VEZF1: variants seen among roughly 807,000 people sequenced by gnomAD.
VEZF1 encodes vascular endothelial zinc finger 1.
In VEZF1, 5 loss-of-function variants were observed where a neutral mutation model predicts 44.1. That is an observed-to-expected ratio of 0.11 (90% CI 0.06 to 0.24). The LOEUF is 0.24. VEZF1 is among the 10% of genes least tolerant of loss of function. VEZF1 has a pLI of 1.00. For synonymous variants in VEZF1, 236 were observed against 233.1 expected, an observed-to-expected ratio of 1.01 and a Z score of -0.11; for missense variants, 358 against 641.8, an observed-to-expected ratio of 0.56 and a Z score of 4.78.
rs748649594 is a variant in VEZF1, at chr17:57,974,821, A to G, written c.1218T>C (p.Ser406=). Reference sequence around the variant, plus strand: ...GGTTTGACATAGTCCCAGACGACACAGAGGATGTTATACTGAATGGAGTAG... The same window carrying G: ...GGTTTGACATAGTCCCAGACGACACGGAGGATGTTATACTGAATGGAGTAG... ...TLTTPFSITS[S]VSSGTMSNPV... The change falls in exon 6 of 6, where the codon TCT becomes TCC. Residue 406 remains serine (S), a synonymous_variant. Coordinates refer to ENST00000581208, the MANE Select transcript of VEZF1 (RefSeq NM_007146.3). The G allele has an allele frequency of 7.4e-6, 12 of 1,614,114 alleles. No homozygotes were observed. The Admixed American group carries it at 2.0e-4, about 27-fold the overall frequency.
intron 5 of VEZF1, among the ~76,000 whole-genome samples, chr17:57,977,706 C>T (rs138761667): frequency 9.4e-4 from 142 of 151,850 alleles, no homozygotes; most frequent in African/African-American, 3.3e-3. Flanking sequence ...TAGCTGGGCG[C>T]GGTGGCACAT....
At chr17:57,982,619 C>T in intron 2 of VEZF1, 80 bp downstream of exon 2, 1 of 1,374,652 alleles carries the variant, frequency 7.3e-7, no homozygotes, top group South Asian at 1.4e-5. Flanking sequence ...CTCACATAAA[C>T]ATTCTAGATC....
chr17:57,984,800 TAGG>T (rs944879028), intron 1 of VEZF1, among the ~76,000 whole-genome samples: 1 of 152,206 alleles, frequency 6.6e-6, no homozygotes, highest in African/African-American at 2.4e-5. Context: ...CCCAAACGAT[TAGG>T]AGGTGTGGTA....
At chr17:57,979,632 T>A (rs192286835) in intron 4 of VEZF1, among the ~76,000 whole-genome samples, 2,792 of 151,508 alleles carry the variant, frequency 0.018, 77 homozygotes, top group African/African-American at 0.063. Context: ...TTCAACAAAA[T>A]TTTTTATTTG....
At chr17:57,982,400 A>G (rs2075257302) in intron 2 of VEZF1, among the ~76,000 whole-genome samples, 2 of 152,148 alleles carry the variant, frequency 1.3e-5, no homozygotes, top group African/African-American at 2.4e-5. Context: ...TAGTCCCCCA[A>G]CTGAACTGAA....
Position 57,979,331 on chromosome 17 carries a change from CA to C in VEZF1, c.977-19del. 6.2e-7 allele frequency: 1 copy of C among 1,611,978 alleles called. No homozygotes were observed. The highest frequency in any genetic ancestry group is 1.1e-5 in the South Asian group (1 of 90,844). ...CATGCATGCTATTACAAAGACAAAC[CA>C]AAAACACTGTATCTACCTGTAAAAC... On this transcript the variant is annotated intron_variant, in intron 4 of 5. Transcript: ENST00000581208.
chr17:57,988,130 CCCT>C lies in VEZF1; in HGVS notation c.-22_-20del. On this transcript the variant is annotated 5_prime_UTR_variant, in exon 1 of 6. Coordinates refer to ENST00000581208, the MANE Select transcript of VEZF1 (RefSeq NM_007146.3). ...CCTCCATGGCTGCGGCGGCCGACCC[CCCT>C]CCTCCCCACTCCCCCCGCTCGGGGA... 1.3e-6 allele frequency: 1 copy of C among 796,388 alleles called. No homozygotes were observed. Among genetic ancestry groups the C allele is most frequent in the Non-Finnish European group, 1.6e-6 (1 of 618,714 alleles). 49.3% of individuals were successfully genotyped at this position (796,388 alleles called of 1,614,324 possible).
At chr17:57,983,465 CAA>C (rs1186853885) in intron 1 of VEZF1, 72 bp from the exon 2 acceptor site, 1 of 1,314,506 alleles carries the variant, frequency 7.6e-7, no homozygotes, top group Non-Finnish European at 1.0e-6. Context: ...ATGCTCCAGA[CAA>C]TAGAGACCAG....
At chr17:57,975,828 CCTT>C (rs2075185203) in intron 5 of VEZF1, among the ~76,000 whole-genome samples, 1 of 152,116 alleles carries the variant, frequency 6.6e-6, no homozygotes, top group African/African-American at 2.4e-5. Flanking sequence ...GACAGGGTCT[CCTT>C]CTGTTGCTCA....
In VEZF1 at chr17:57,982,726, C is replaced by A; in HGVS notation, c.701G>T (p.Cys234Phe). The change falls in exon 2 of 6, where the codon TGC (cysteine) becomes TTC (phenylalanine). Residue 234 changes from cysteine (C) to phenylalanine (F), a missense_variant. Cys to Phe is a radical substitution (Grantham distance 205). Transcript: ENST00000581208. ...HEGGITKPYT[C>F]SVCGKGFSRP... ...TGAGAAGCCTTTCCCACAAACACTG[C>A]AAGTATAGGGTTTGGTGATGCCTCC... is the stretch of plus-strand genomic sequence containing the variant. 6.2e-7 allele frequency: 1 copy of A among 1,612,964 alleles called. No homozygotes were observed. Among genetic ancestry groups the A allele is most frequent in the Non-Finnish European group, 8.5e-7 (1 of 1,179,446 alleles).
chr17:57,988,048 C>T (rs1045585540), intron 1 of VEZF1, 31 bp downstream of exon 1: 2 of 271,632 alleles, frequency 7.4e-6, no homozygotes, highest in African/African-American at 2.3e-5. Context: ...CCCCTGTCCC[C>T]CCCGTGCCCC....
At chr17:57,979,450 C>T in intron 4 of VEZF1, 137 bp from the exon 5 acceptor site, 2 of 1,344,156 alleles carry the variant, frequency 1.5e-6, no homozygotes, top group Non-Finnish European at 2.0e-6. Flanking sequence ...TTTTTTGCTG[C>T]TGTGTCTATA....
chr17:57,988,173 A>G lies in VEZF1; in HGVS notation c.-62T>C. The G allele has an allele frequency of 1.7e-5, 7 of 422,856 alleles. No homozygotes were observed. The highest frequency in any genetic ancestry group is 2.5e-5 in the Non-Finnish European group (7 of 285,420). The allele number at this position is 422,856 out of a possible 1,614,324, so 26.2% of individuals were successfully genotyped here. A position where few individuals can be genotyped will look rare whatever the true frequency, so the allele number is the denominator to read the frequency against. On this transcript the variant is annotated 5_prime_UTR_variant, in exon 1 of 6. Transcript: ENST00000581208. ...CCGCTCGGGGAGCCTCCTCAGCCGG[A>G]GGAGGCGACAACAAAGCGGCGGCGG...
chr17:57,987,889 C>T (rs2075314927), intron 1 of VEZF1, among the ~76,000 whole-genome samples, 190 bp downstream of exon 1: 1 of 151,828 alleles, frequency 6.6e-6, no homozygotes, highest in Non-Finnish European at 1.5e-5. Flanking sequence ...CCCCGCACCC[C>T]GTGAGGCCGC....
At position 57,982,857 on chromosome 17, in the gene VEZF1, A is replaced by G. The variant is rs2075262515; in HGVS notation, c.570T>C (p.Asn190=). The G allele has an allele frequency of 6.2e-7, 1 of 1,614,072 alleles. No individual in the cohort carries two copies. The highest frequency in any genetic ancestry group is 8.5e-7 in the Non-Finnish European group (1 of 1,180,054). The change falls in exon 2 of 6, where the codon AAT becomes AAC. Residue 190 remains asparagine (N), a synonymous_variant. Transcript: ENST00000581208. Reference sequence around the variant, plus strand: ...CATCTGAATGGGAGAGCTTGTGTCGATTGAGATGGTACACATCTCGGAAGG... The same window carrying G: ...CATCTGAATGGGAGAGCTTGTGTCGGTTGAGATGGTACACATCTCGGAAGG... ...GKAFRDVYHL[N]RHKLSHSDEK...
At position 57,988,143 on chromosome 17, in the gene VEZF1, T is replaced by C. The variant is rs1598052922; in HGVS notation, c.-32A>G. 9 of 659,946 alleles carry C rather than the reference T, an allele frequency of 1.4e-5. No homozygotes were observed. Among genetic ancestry groups the C allele is most frequent in the East Asian group, 8.2e-5 (1 of 12,230 alleles). 40.9% of individuals were successfully genotyped at this position (659,946 alleles called of 1,614,324 possible). On this transcript the variant is annotated 5_prime_UTR_variant, in exon 1 of 6. Coordinates refer to ENST00000581208, the MANE Select transcript of VEZF1 (RefSeq NM_007146.3). ...GGCGGCCGACCCCCCTCCTCCCCAC[T>C]CCCCCCGCTCGGGGAGCCTCCTCAG...
At chr17:57,975,479 A>C (rs983890366) in intron 5 of VEZF1, among the ~76,000 whole-genome samples, 4 of 152,286 alleles carry the variant, frequency 2.6e-5, no homozygotes, top group Non-Finnish European at 4.4e-5. Context: ...TTAAAAATGC[A>C]TAATTGGGGA....
Position 57,972,144 on chromosome 17 carries a change from A to C in VEZF1, c.*2329T>G, listed in dbSNP as rs1280170441. The stretch of plus-strand genomic sequence containing the variant: ...GAAGTCTCACTCCTGTTTATTATAC[A>C]ATGAATTGATAAAACAATTACTTCT... On this transcript the variant is annotated 3_prime_UTR_variant, in exon 6 of 6. Transcript: ENST00000581208. 1 of 152,680 alleles carries C rather than the reference A, an allele frequency of 6.5e-6. No individual in the cohort carries two copies. Among genetic ancestry groups the C allele is most frequent in the East Asian group, 1.9e-4 (1 of 5,206 alleles). The allele number at this position is 152,680 out of a possible 1,614,324, so 9.5% of individuals were successfully genotyped here. A position where few individuals can be genotyped will look rare whatever the true frequency, so the allele number is the denominator to read the frequency against.
chr17:57,987,828 T>C (rs568183520), intron 1 of VEZF1, among the ~76,000 whole-genome samples: 2 of 151,772 alleles, frequency 1.3e-5, no homozygotes, highest in East Asian at 2.0e-4. Flanking sequence ...TGTGTGTGTG[T>C]GCGTGTGTGT....
Sources: allele counts gnomAD v4.1 joint callset (sites outside exome capture counted in the v4.1 genomes callset), GRCh38; gene constraint gnomAD v4.1.1; transcripts MANE v1.5; gene names NCBI Gene and HGNC (gene_info 2026-07-23, HGNC 2026-07-21).